Variants in TRIM2 observed in about 807,000 individuals in gnomAD.
TRIM2 encodes the protein tripartite motif containing 2.
TRIM2 carries 20 observed loss-of-function variants against 75.2 expected under a neutral mutation model. The ratio of observed to expected loss-of-function variants is 0.27; its 90% CI spans 0.19 to 0.39. The LOEUF is 0.39. Ranked by LOEUF, TRIM2 falls within the 10% of genes least tolerant of loss-of-function variation. The pLI, the probability that TRIM2 is intolerant of heterozygous loss-of-function variation, is 1.00. For synonymous variants in TRIM2, 373 were observed against 388.3 expected (o/e 0.96, Z 0.46); for missense variants, 660 against 990.8 (o/e 0.67, Z 4.48).
At chr4:153,165,457 AG>A (rs772278312) in intron 1 of TRIM2, among the ~76,000 whole-genome samples, 19 of 151,958 alleles carry the variant, frequency 1.3e-4, no homozygotes, top group African/African-American at 2.4e-5. Context: ...CAGCCTCCCA[AG>A]TAACTGGGAC....
intron 1 of TRIM2, among the ~76,000 whole-genome samples, chr4:153,261,693 G>A (rs981098889): frequency 1.3e-5 from 2 of 152,158 alleles, no homozygotes; most frequent in Non-Finnish European, 2.9e-5. Context: ...CCAGAAGAGC[G>A]ATTTAACTTT....
chr4:153,242,479 G>A (rs1482612260), intron 1 of TRIM2, among the ~76,000 whole-genome samples: 1 of 151,990 alleles, frequency 6.6e-6, no homozygotes, highest in African/African-American at 2.4e-5. Flanking sequence ...CTGTTTCTCT[G>A]CTATCTTGGG....
upstream of TRIM2, chr4:153,152,578 A>T (rs1466892193): frequency 1.3e-5 from 2 of 151,952 alleles, no homozygotes; most frequent in African/African-American, 4.8e-5. Flanking sequence ...AATGGTCCAA[A>T]TCGACGAGGA....
intron 1 of TRIM2, among the ~76,000 whole-genome samples, chr4:153,211,642 T>A (rs934500414): frequency 1.3e-5 from 2 of 151,842 alleles, no homozygotes; most frequent in Non-Finnish European, 2.9e-5. Flanking sequence ...TGCACCACCA[T>A]GCCTGGCTAA....
intron 10 of TRIM2, among the ~76,000 whole-genome samples, chr4:153,327,374 A>G (rs1770476891): frequency 6.6e-6 from 1 of 152,246 alleles, no homozygotes; most frequent in Non-Finnish European, 1.5e-5. Flanking sequence ...CTGTAATCAG[A>G]GATGACAACA....
At chr4:153,242,687 A>C (rs140097207) in intron 1 of TRIM2, among the ~76,000 whole-genome samples, 122 of 152,308 alleles carry the variant, frequency 8.0e-4, no homozygotes, top group African/African-American at 2.8e-3. Context: ...CTGAAATTGT[A>C]AAGAAACTCA....
At chr4:153,249,357 C>G (rs1247692215) in intron 1 of TRIM2, among the ~76,000 whole-genome samples, 1 of 152,178 alleles carries the variant, frequency 6.6e-6, no homozygotes, top group Non-Finnish European at 1.5e-5. Flanking sequence ...GGGGTGAAAG[C>G]CCCTAGGGCT....
chr4:153,270,227 C>T (rs1460333446), intron 1 of TRIM2, 108 bp from the exon 2 acceptor site: 10 of 1,358,996 alleles, frequency 7.4e-6, no homozygotes, highest in African/African-American at 7.3e-5. Flanking sequence ...CACACCTGGC[C>T]GACTTCTACC....
chr4:153,193,322 AGG>A (rs1406561320), intron 1 of TRIM2, among the ~76,000 whole-genome samples: 2 of 151,752 alleles, frequency 1.3e-5, no homozygotes, highest in Admixed American at 6.6e-5. Flanking sequence ...TAGTAGAGAC[AGG>A]GTTTCACTGT....
intron 1 of TRIM2, among the ~76,000 whole-genome samples, chr4:153,259,315 T>G (rs1017726965): frequency 1.3e-5 from 2 of 152,214 alleles, no homozygotes; most frequent in Non-Finnish European, 2.9e-5. Flanking sequence ...ATTCTTTGTC[T>G]TACTAAGAAA....
chr4:153,234,936 C>T (rs529251863), intron 1 of TRIM2, among the ~76,000 whole-genome samples: 8 of 152,306 alleles, frequency 5.3e-5, no homozygotes, highest in East Asian at 1.9e-4. Flanking sequence ...TAACCTTCCC[C>T]GTGCCCTGTC....
In TRIM2 at chr4:153,335,179, A is replaced by G. The variant is rs1772311758; in HGVS notation, c.*213A>G. The G allele has an allele frequency of 1.6e-6, 2 of 1,243,790 alleles. No individual in the cohort carries two copies. Among genetic ancestry groups the G allele is most frequent in the Non-Finnish European group, 2.0e-6 (2 of 991,526 alleles). The allele number at this position is 1,243,790 out of a possible 1,614,324, so 77.0% of individuals were successfully genotyped here. A position where few individuals can be genotyped will look rare whatever the true frequency, so the allele number is the denominator to read the frequency against. ...GGGTTAAAAAAAACTCTTCTACTGA[A>G]TCTATAAAAACTGCAGTTTTACATC... On this transcript the variant is annotated 3_prime_UTR_variant, in exon 12 of 12. Transcript: ENST00000338700.
chr4:153,336,245 A>G lies in TRIM2; in HGVS notation c.*1279A>G. The G allele has an allele frequency of 1.0e-6, 1 of 985,600 alleles. No homozygotes were observed. Among genetic ancestry groups the G allele is most frequent in the Non-Finnish European group, 1.2e-6 (1 of 829,890 alleles). 61.1% of individuals were successfully genotyped at this position (985,600 alleles called of 1,614,324 possible). The stretch of plus-strand genomic sequence containing the variant: ...AGCACATTCCTTTACTAAGCAGTTT[A>G]AAGCCGTCCTAGTGGAGCAAGCCCT... On this transcript the variant is annotated 3_prime_UTR_variant, in exon 12 of 12. Transcript: ENST00000338700.
chr4:153,153,799 T>C (rs1234128813), intron 1 of TRIM2, among the ~76,000 whole-genome samples: 2 of 152,338 alleles, frequency 1.3e-5, no homozygotes, highest in East Asian at 3.9e-4. Context: ...GGGGCGCGTC[T>C]GGGTTTCTTT....
At chr4:153,253,871 T>C (rs1270526636) in intron 1 of TRIM2, among the ~76,000 whole-genome samples, 1 of 152,154 alleles carries the variant, frequency 6.6e-6, no homozygotes. Flanking sequence ...CATCAAGAAA[T>C]AACCATGTAA....
intron 7 of TRIM2, 84 bp from the exon 8 acceptor site, chr4:153,315,746 GTA>G (rs1767450297): frequency 1.3e-6 from 2 of 1,532,600 alleles, no homozygotes; most frequent in East Asian, 4.5e-5. Flanking sequence ...TCTGATCTCT[GTA>G]TGTATGGCAG....
intron 1 of TRIM2, among the ~76,000 whole-genome samples, chr4:153,181,253 A>T (rs75303000): frequency 0.011 from 1,610 of 152,036 alleles, 40 homozygotes; most frequent in African/African-American, 0.036. Context: ...CTCACAGAAC[A>T]GGTGGGATTC....
rs137916545 is a variant in TRIM2 at position 153,274,908 on chromosome 4, C to G, written c.216-985C>G. Among the ~76,000 whole-genome samples, 229 of 152,320 alleles carry G rather than the reference C, an allele frequency of 1.5e-3. 2 individuals are homozygous for G. The East Asian group carries it at 0.037, about 24-fold the overall frequency. On this transcript the variant is annotated intron_variant, in intron 2 of 11. Coordinates refer to ENST00000338700, the MANE Select transcript of TRIM2 (RefSeq NM_015271.5). Reference sequence around the variant, plus strand: ...CTGGTATTGGTTCAGGGCTAGCTACCTCTGTGACATAGACAAGATCAGTGA... The same window carrying G: ...CTGGTATTGGTTCAGGGCTAGCTACGTCTGTGACATAGACAAGATCAGTGA...
intron 3 of TRIM2, chr4:153,276,375 C>T: frequency 1.9e-6 from 1 of 531,632 alleles, no homozygotes; most frequent in Non-Finnish European, 3.3e-6. Context: ...GGACAGCAAA[C>T]CAGTAGCTAT....
Sources: gnomAD v4.1 joint callset for allele counts (sites outside exome capture counted in the v4.1 genomes callset) on GRCh38, gnomAD v4.1.1 for gene constraint, MANE v1.5 for transcripts, NCBI Gene and HGNC (gene_info 2026-07-23, HGNC 2026-07-21) for gene names.